The following RORA variants were observed in gnomAD, a reference collection of about 807,000 sequenced individuals.
RORA encodes RAR related orphan receptor A, also known as nuclear receptor ROR-alpha.
RORA carries 7 observed loss-of-function variants against 69.5 expected under a neutral mutation model. That is an observed-to-expected ratio of 0.10 (90% confidence interval 0.06 to 0.19). RORA has a LOEUF of 0.19. Among genes scored for constraint, RORA ranks in the 10% least tolerant of loss-of-function variants. The probability of loss-of-function intolerance (pLI) is 1.00; values close to 1 mark genes in which losing one functional copy is unlikely to be tolerated. For missense variants in RORA, 457 were observed against 663.0 expected, an observed-to-expected ratio of 0.69 and a Z score of 3.41; for synonymous variants, 261 against 240.8, an observed-to-expected ratio of 1.08 and a Z score of -0.78.
chr15:60,952,634 C>T (rs1008560619), intron 1 of RORA, among the ~76,000 whole-genome samples: 5 of 152,082 alleles, frequency 3.3e-5, no homozygotes, highest in East Asian at 1.9e-4. Context: ...AGAAGCATTC[C>T]TATACACCAA....
At chr15:60,964,848 GGCTT>G (rs1893508823) in intron 1 of RORA, among the ~76,000 whole-genome samples, 1 of 152,190 alleles carries the variant, frequency 6.6e-6, no homozygotes, top group Admixed American at 6.5e-5. Flanking sequence ...CTGAGAGGAT[GGCTT>G]CAGAAGCATA....
At position 60,818,142 on chromosome 15, in the gene RORA, G is replaced by C. The variant is rs147545991; in HGVS notation, c.167-139456C>G. ...AGAAAGAGGGATATTTGGATGGGGA[G>C]AGACTAAAATGAAATCAAGGAACAA... is the stretch of plus-strand genomic sequence containing the variant. On this transcript the variant is annotated intron_variant, in intron 1 of 10. Coordinates refer to ENST00000335670, the MANE Select transcript of RORA (RefSeq NM_134261.3). 8.5e-5 allele frequency among the ~76,000 whole-genome samples: 13 copies of C among 152,262 alleles called. No homozygotes were observed. The East Asian group carries it at 2.5e-3, about 29-fold the overall frequency.
intron 1 of RORA, among the ~76,000 whole-genome samples, chr15:60,842,902 T>C (rs765003668): frequency 6.8e-4 from 103 of 152,290 alleles, no homozygotes; most frequent in Non-Finnish European, 1.3e-3. Flanking sequence ...GCCCGCCACA[T>C]CTGCTGAGTG....
chr15:60,974,017 A>G (rs1893804414), intron 1 of RORA, among the ~76,000 whole-genome samples: 1 of 152,390 alleles, frequency 6.6e-6, no homozygotes, highest in Admixed American at 6.5e-5. Context: ...AAGACATTGC[A>G]TTTCAAACCT....
At position 60,511,866 on chromosome 15, in the gene RORA, G is replaced by C. The variant is rs183601067; in HGVS notation, c.425-245C>G. ...AGAAAGAGGCCTGGTGCAGGTAGGAGGGGCCCAGAGAGATGCCACTTCTGT... is the reference window on the plus strand; with the variant it reads ...AGAAAGAGGCCTGGTGCAGGTAGGACGGGCCCAGAGAGATGCCACTTCTGT... On this transcript the variant is annotated intron_variant, in intron 4 of 10. Transcript: ENST00000335670. The surrounding 1 kb of genome is among the most constrained non-coding windows in gnomAD (Gnocchi z 6.4). Among the ~76,000 whole-genome samples the C allele has an allele frequency of 1.2e-3, 178 of 152,246 alleles. No individual in the cohort carries two copies. The highest frequency in any genetic ancestry group is 2.2e-3 in the Non-Finnish European group (150 of 68,010).
chr15:60,582,924 CTGT>C (rs1417822051), intron 2 of RORA, among the ~76,000 whole-genome samples: 1 of 152,148 alleles, frequency 6.6e-6, no homozygotes, highest in Non-Finnish European at 1.5e-5. Context: ...ATTGGCCTAG[CTGT>C]TGTTATTATC....
intron 1 of RORA, among the ~76,000 whole-genome samples, chr15:61,208,085 G>GA (rs1172950245): frequency 6.6e-6 from 1 of 152,188 alleles, no homozygotes; most frequent in Non-Finnish European, 1.5e-5. Context: ...AGAGAGACCT[G>GA]TTTTTTCCCA....
chr15:60,503,688 T>G lies in RORA; in HGVS notation c.943-21A>C, dbSNP rs778912448. The G allele has an allele frequency of 6.8e-6, 11 of 1,612,432 alleles. No individual in the cohort carries two copies. The East Asian group carries it at 2.2e-4, about 33-fold the overall frequency. Reference sequence around the variant, plus strand: ...CGCTGCTGTTAAAGAGGGAAACACATTAACATCCTCCAGGAAGATGTTAGC... The same window carrying G: ...CGCTGCTGTTAAAGAGGGAAACACAGTAACATCCTCCAGGAAGATGTTAGC... On this transcript the variant is annotated intron_variant, in intron 6 of 10. Transcript: ENST00000335670.
chr15:60,588,382 G>A (rs757897837), intron 2 of RORA, among the ~76,000 whole-genome samples: 16 of 152,048 alleles, frequency 1.1e-4, no homozygotes, highest in Non-Finnish European at 2.1e-4. Context: ...GGGTTTTGTT[G>A]ATCCCTATAA....
chr15:61,189,210 C>T (rs560538915), intron 1 of RORA, among the ~76,000 whole-genome samples: 1 of 152,262 alleles, frequency 6.6e-6, no homozygotes, highest in South Asian at 2.1e-4. Flanking sequence ...TGAATAAACG[C>T]ATTTTTACAT....
chr15:60,856,284 A>G (rs1316847643), intron 1 of RORA, among the ~76,000 whole-genome samples: 1 of 152,194 alleles, frequency 6.6e-6, no homozygotes, highest in African/African-American at 2.4e-5. Context: ...GAAGGTGGAA[A>G]CCATTCAGAT....
At chr15:61,115,089 A>AC (rs1196166181) in intron 1 of RORA, among the ~76,000 whole-genome samples, 2 of 151,988 alleles carry the variant, frequency 1.3e-5, no homozygotes, top group African/African-American at 4.8e-5. Flanking sequence ...GGCTTCCTCT[A>AC]CCCCCAGTGA....
At chr15:60,920,270 C>G (rs948125408) in intron 1 of RORA, among the ~76,000 whole-genome samples, 1 of 152,184 alleles carries the variant, frequency 6.6e-6, no homozygotes, top group Non-Finnish European at 1.5e-5. Context: ...CCACCTCTAT[C>G]ATCTAAGTTA....
rs552103990 is a variant in RORA, at chr15:61,190,670, C to A, written c.166+38383G>T. Among the ~76,000 whole-genome samples, 5 of 152,166 alleles carry A rather than the reference C, an allele frequency of 3.3e-5. No individual in the cohort carries two copies. The East Asian group carries it at 9.7e-4, about 29-fold the overall frequency. ...GCTCAGGTAAGGAGGATCTCTTGAG[C>A]CTGGGAGGCAGAAGCTGCAGTGAGC... On this transcript the variant is annotated intron_variant, in intron 1 of 10. Transcript: ENST00000335670.
At chr15:60,648,397 T>A (rs982574536) in intron 2 of RORA, among the ~76,000 whole-genome samples, 4 of 152,210 alleles carry the variant, frequency 2.6e-5, no homozygotes, top group Non-Finnish European at 5.9e-5. Flanking sequence ...TAACCTTAGG[T>A]GCCCGTAGAT....
At chr15:60,929,249 T>G (rs1441031893) in intron 1 of RORA, among the ~76,000 whole-genome samples, 1 of 152,242 alleles carries the variant, frequency 6.6e-6, no homozygotes, top group East Asian at 1.9e-4. Context: ...ATGTTAAGAT[T>G]TATTCCTGGC....
chr15:60,895,195 G>C (rs747093777), intron 1 of RORA, among the ~76,000 whole-genome samples: 3 of 152,198 alleles, frequency 2.0e-5, no homozygotes, highest in Non-Finnish European at 4.4e-5. Flanking sequence ...CCAGGTCCTT[G>C]ATACCCGGAG....
rs566295823 is a variant in RORA, at chr15:60,514,305, C to T, written c.424+311G>A. Among the ~76,000 whole-genome samples, 4 of 152,316 alleles carry T rather than the reference C, an allele frequency of 2.6e-5. No individual in the cohort carries two copies. The East Asian group carries it at 5.8e-4, about 22-fold the overall frequency. On this transcript the variant is annotated intron_variant, in intron 4 of 10. Coordinates refer to ENST00000335670, the MANE Select transcript of RORA (RefSeq NM_134261.3). ...TCTTTATTAAGGCCTTCAGATGACACTTACCGTCAGTCAATCGACCCACCT... is the reference window on the plus strand; with the variant it reads ...TCTTTATTAAGGCCTTCAGATGACATTTACCGTCAGTCAATCGACCCACCT...
At chr15:60,613,004 T>G (rs193012501) in intron 2 of RORA, among the ~76,000 whole-genome samples, 7 of 152,086 alleles carry the variant, frequency 4.6e-5, no homozygotes, top group Admixed American at 3.3e-4. Flanking sequence ...TACTTATCTT[T>G]AAGGCCACTG....
Sources: allele counts gnomAD v4.1 joint callset (sites outside exome capture counted in the v4.1 genomes callset), GRCh38; gene constraint gnomAD v4.1.1; non-coding constraint Gnocchi (gnomAD v3.1); transcripts MANE v1.5; gene names NCBI Gene and HGNC (gene_info 2026-07-23, HGNC 2026-07-21).